The following BTBD7 variants were observed in gnomAD, a reference collection of about 807,000 sequenced individuals.
The protein encoded by BTBD7 is BTB domain containing 7.
In BTBD7, 38 loss-of-function variants were observed where a neutral mutation model predicts 99.9. That is an observed-to-expected ratio of 0.38 (90% confidence interval 0.29 to 0.50). The LOEUF (loss-of-function observed/expected upper bound fraction) is 0.50, where lower values mean the gene tolerates loss of function less well. Among genes scored for constraint, BTBD7 ranks in the 20% least tolerant of loss-of-function variants. The pLI is 0.93. For synonymous variants in BTBD7, 520 were observed against 511.4 expected, an observed-to-expected ratio of 1.02 and a Z score of -0.23; for missense variants, 1,170 against 1,394.6, an observed-to-expected ratio of 0.84 and a Z score of 2.57.
chr14:93,289,381 A>G (rs756561025), intron 3 of BTBD7, among the ~76,000 whole-genome samples: 2 of 152,224 alleles, frequency 1.3e-5, no homozygotes, highest in Non-Finnish European at 2.9e-5. Flanking sequence ...TTTTAGTTCT[A>G]TGCTATGCAT....
chr14:93,320,150 G>A (rs1000141765), intron 1 of BTBD7, among the ~76,000 whole-genome samples: 2 of 152,154 alleles, frequency 1.3e-5, no homozygotes, highest in African/African-American at 2.4e-5. Flanking sequence ...AGAGAGGCAG[G>A]AAGTCTGAAA....
chr14:93,297,386 A>C lies in BTBD7; in HGVS notation c.-106-1229T>G, dbSNP rs566008758. On this transcript the variant is annotated intron_variant, in intron 1 of 10. Transcript: ENST00000334746. ...CGCCCAGGCTGGAGTGCAGTGGCGC[A>C]ATCTCGGCTCACTTTAACCTCTGTC... 5.9e-5 allele frequency among the ~76,000 whole-genome samples: 9 copies of C among 152,318 alleles called. No homozygotes were observed. The South Asian group carries it at 1.7e-3, about 28-fold the overall frequency.
At chr14:93,247,625 C>T (rs184349002) in intron 9 of BTBD7, among the ~76,000 whole-genome samples, 18 of 152,312 alleles carry the variant, frequency 1.2e-4, no homozygotes, top group African/African-American at 2.6e-4. Context: ...GGATTACAGG[C>T]GTGAGCCACT....
At chr14:93,285,956 T>A (rs1445933960) in intron 3 of BTBD7, among the ~76,000 whole-genome samples, 1 of 152,140 alleles carries the variant, frequency 6.6e-6, no homozygotes, top group African/African-American at 2.4e-5. Context: ...TCAGTAAACA[T>A]GGACTAAGGA....
chr14:93,302,775 G>C (rs924703974), intron 1 of BTBD7, among the ~76,000 whole-genome samples: 1 of 152,024 alleles, frequency 6.6e-6, no homozygotes, highest in African/African-American at 2.4e-5. Flanking sequence ...AACCCAGGAG[G>C]ACGAGATTGC....
intron 3 of BTBD7, among the ~76,000 whole-genome samples, chr14:93,271,966 T>C (rs1424352687): frequency 3.3e-5 from 5 of 151,258 alleles, no homozygotes; most frequent in African/African-American, 7.3e-5. Context: ...AGAGATGCCA[T>C]TGTACTCCAG....
At chr14:93,326,768 C>T (rs924501802) in intron 1 of BTBD7, among the ~76,000 whole-genome samples, 1 of 150,336 alleles carries the variant, frequency 6.7e-6, no homozygotes, top group African/African-American at 2.5e-5. Context: ...CACGCCATTG[C>T]GCTCCAGCCT....
chr14:93,275,039 T>C (rs2052640075), intron 3 of BTBD7, among the ~76,000 whole-genome samples: 2 of 152,182 alleles, frequency 1.3e-5, no homozygotes, highest in African/African-American at 4.8e-5. Flanking sequence ...CTCACCTCTA[T>C]GTAGTAAGTA....
At chr14:93,279,559 T>C (rs974577275) in intron 3 of BTBD7, among the ~76,000 whole-genome samples, 1 of 152,190 alleles carries the variant, frequency 6.6e-6, no homozygotes, top group African/African-American at 2.4e-5. Context: ...TTCTTCTTTT[T>C]TTCGTTGAGA....
chr14:93,299,735 A>G (rs145321577), intron 1 of BTBD7, among the ~76,000 whole-genome samples: 1 of 152,250 alleles, frequency 6.6e-6, no homozygotes, highest in African/African-American at 2.4e-5. Context: ...TAAAAAAGAG[A>G]AGTCAACTTT....
chr14:93,319,001 C>T (rs8011184), intron 1 of BTBD7, among the ~76,000 whole-genome samples: 2 of 152,028 alleles, frequency 1.3e-5, no homozygotes, highest in Non-Finnish European at 2.9e-5. Context: ...CAGATTGCTT[C>T]AGCCCAGGAG....
chr14:93,311,410 TG>T (rs1315722302), intron 1 of BTBD7, among the ~76,000 whole-genome samples: 1 of 152,210 alleles, frequency 6.6e-6, no homozygotes, highest in Non-Finnish European at 1.5e-5. Context: ...TAGTGGGAAA[TG>T]GTATTCAGAA....
At chr14:93,298,798 A>G (rs1487573035) in intron 1 of BTBD7, among the ~76,000 whole-genome samples, 4 of 152,210 alleles carry the variant, frequency 2.6e-5, no homozygotes, top group African/African-American at 9.6e-5. Context: ...GCAATTATAC[A>G]AGAGTTATAT....
chr14:93,299,725 T>C (rs914066175), intron 1 of BTBD7, among the ~76,000 whole-genome samples: 1 of 152,094 alleles, frequency 6.6e-6, no homozygotes, highest in Non-Finnish European at 1.5e-5. Flanking sequence ...AGACATTTTT[T>C]AAAAAAGAGA....
intron 3 of BTBD7, among the ~76,000 whole-genome samples, chr14:93,266,203 T>C (rs927567158): frequency 6.6e-6 from 1 of 151,956 alleles, no homozygotes; most frequent in Admixed American, 6.6e-5. Context: ...AAATGTGACA[T>C]GGCTGTTATA....
Position 93,241,599 on chromosome 14 carries a change from T to A in BTBD7, c.*674A>T, listed in dbSNP as rs1023019783. 15 of 152,424 alleles carry A rather than the reference T, an allele frequency of 9.8e-5. No individual in the cohort carries two copies. Among genetic ancestry groups the A allele is most frequent in the African/African-American group, 3.4e-4 (14 of 41,424 alleles). The allele number at this position is 152,424 out of a possible 1,614,324, so 9.4% of individuals were successfully genotyped here. ...AGCCTGGGCACAGAAGGCTTTTCTC[T>A]TTCCTGTTCTTTCCTGAACCAGCAA... On this transcript the variant is annotated 3_prime_UTR_variant, in exon 11 of 11. Transcript: ENST00000334746.
chr14:93,257,221 T>C lies in BTBD7; in HGVS notation c.1582A>G (p.Ile528Val). Residue 528 changes from isoleucine (I) to valine (V), a missense_variant, in exon 6 of 11, where the codon ATA (isoleucine) becomes GTA (valine). Ile to Val is a conservative substitution (Grantham distance 29). Around this residue, in one of 4 missense-constraint regions of BTBD7, gnomAD observed 309 missense variants for 342.0 expected, o/e 0.90. Transcript: ENST00000334746. ...PFVRIEHILP[I>V]NSEVLSDAMK... ...GCATCACTTAAGACTTCACTGTTTA[T>C]AGGTAAGATGTGTTCAATTCGCACA... 2 of 1,614,038 alleles carry C rather than the reference T, an allele frequency of 1.2e-6. No homozygotes were observed. The highest frequency in any genetic ancestry group is 1.7e-6 in the Non-Finnish European group (2 of 1,179,952).
At chr14:93,265,468 C>G (rs538893399) in intron 3 of BTBD7, among the ~76,000 whole-genome samples, 1 of 152,340 alleles carries the variant, frequency 6.6e-6, no homozygotes, top group South Asian at 2.1e-4. Flanking sequence ...TGTGCTAAAC[C>G]TGTGCTAAGT....
chr14:93,258,629 G>A (rs1010957773), intron 5 of BTBD7, among the ~76,000 whole-genome samples: 1 of 152,180 alleles, frequency 6.6e-6, no homozygotes, highest in Admixed American at 6.5e-5. Flanking sequence ...GTGTTGCCCA[G>A]GCTAGAGTGC....
Sources: gnomAD v4.1 joint callset for allele counts (sites outside exome capture counted in the v4.1 genomes callset) on GRCh38, gnomAD v4.1.1 for gene constraint, gnomAD v4.1.1 regional missense constraint, MANE v1.5 for transcripts, NCBI Gene and HGNC (gene_info 2026-07-23, HGNC 2026-07-21) for gene names.